The following C8B variants were observed in gnomAD, a reference collection of about 807,000 sequenced individuals.
C8B encodes complement C8 beta chain, also known as complement component C8 beta chain.
C8B carries 67 observed loss-of-function variants against 64.6 expected under a neutral mutation model. The ratio of observed to expected loss-of-function variants is 1.04; its 90% CI spans 0.85 to 1.27. The LOEUF (loss-of-function observed/expected upper bound fraction) is 1.27, where lower values mean the gene tolerates loss of function less well. Among genes scored for constraint, C8B ranks in the 50% most tolerant of loss-of-function variants. The probability of loss-of-function intolerance (pLI) is 0.00; values close to 1 mark genes in which losing one functional copy is unlikely to be tolerated. For synonymous variants in C8B, 284 were observed against 257.7 expected, an observed-to-expected ratio of 1.10 and a Z score of -0.98; for missense variants, 790 against 725.2, an observed-to-expected ratio of 1.09 and a Z score of -1.03.
chr1:56,935,385 T>G (rs1306720978), intron 9 of C8B, among the ~76,000 whole-genome samples: 2 of 152,144 alleles, frequency 1.3e-5, no homozygotes, highest in Non-Finnish European at 2.9e-5. Context: ...CCTCCTTAAC[T>G]TTTGTCCTCC....
At chr1:56,949,052 G>C (rs1417622141) in intron 6 of C8B, among the ~76,000 whole-genome samples, 1 of 151,332 alleles carries the variant, frequency 6.6e-6, no homozygotes, top group Non-Finnish European at 1.5e-5. Context: ...AAAGATAATT[G>C]GTTGTTAGAA....
At chr1:56,959,972 G>T in intron 2 of C8B, 48 bp downstream of exon 2, 1 of 1,610,456 alleles carries the variant, frequency 6.2e-7, no homozygotes, top group South Asian at 1.1e-5. Context: ...TCTTGCTGGG[G>T]ACAAAGGCTC....
At position 56,933,381 on chromosome 1, in the gene C8B, G is replaced by A; in HGVS notation, c.1506C>T (p.Ser502=). Residue 502 remains serine, a synonymous_variant, in exon 10 of 12, where the codon TCC becomes TCT. Transcript: ENST00000371237. ...TTCCTTGGCAGGGAGCACAGTGGCA[G>A]GAACTAACTTCCTTCTGGAACTCCT... The part of the protein sequence containing the change: ...ALEEFQKEVS[S]CHCAPCQGNG... The A allele has an allele frequency of 6.2e-7, 1 of 1,613,742 alleles. No homozygotes were observed. Among genetic ancestry groups the A allele is most frequent in the East Asian group, 2.2e-5 (1 of 44,860 alleles).
Position 56,933,424 on chromosome 1 carries a change from T to G in C8B, c.1463A>C (p.Asn488Thr). The G allele has an allele frequency of 6.2e-7, 1 of 1,613,756 alleles. No individual in the cohort carries two copies. The highest frequency in any genetic ancestry group is 8.5e-7 in the Non-Finnish European group (1 of 1,179,678). Residue 488 changes from asparagine to threonine, a missense_variant, in exon 10 of 12, where the codon AAC becomes ACC. By Grantham distance (65) the Asn-to-Thr change is moderately conservative. Coordinates refer to ENST00000371237, the MANE Select transcript of C8B (RefSeq NM_000066.4). ...DFAYSSTVRQ[N>T]MKQALEEFQK... ...GAACTCCTCCAGTGCCTGCTTCATG[T>G]TCTGCCTCACTGTGCTGGAATAGGC...
At chr1:56,945,616 G>T (rs917415008) in intron 7 of C8B, among the ~76,000 whole-genome samples, 1 of 152,192 alleles carries the variant, frequency 6.6e-6, no homozygotes, top group Non-Finnish European at 1.5e-5. Context: ...GGATACAATT[G>T]CATAGAGAGA....
chr1:56,931,605 C>G (rs1644701888), intron 11 of C8B: 1 of 540,594 alleles, frequency 1.8e-6, no homozygotes, highest in African/African-American at 1.9e-5. Flanking sequence ...ATGAAGCACT[C>G]TGTGTTGTAA....
intron 9 of C8B, 70 bp from the exon 10 acceptor site, chr1:56,933,558 C>T: frequency 7.5e-7 from 1 of 1,329,970 alleles, no homozygotes; most frequent in Non-Finnish European, 1.1e-6. Flanking sequence ...AACAAAACTA[C>T]AAAGGAATGG....
intron 9 of C8B, among the ~76,000 whole-genome samples, chr1:56,937,413 G>A (rs1644790659): frequency 6.6e-6 from 1 of 152,182 alleles, no homozygotes; most frequent in Non-Finnish European, 1.5e-5. Flanking sequence ...CTACTGAAAT[G>A]TGGAGGTTGT....
At chr1:56,965,398 A>AGTGTGTGTGT (rs56761445) in intron 1 of C8B, among the ~76,000 whole-genome samples, 1,552 of 142,638 alleles carry the variant, frequency 0.011, 19 homozygotes, top group African/African-American at 0.019. Flanking sequence ...AGAGAGAGAG[A>AGTGTGTGTGT]GTGTGTGTGT....
intron 6 of C8B, 63 bp from the exon 7 acceptor site, chr1:56,946,124 T>C: frequency 6.3e-7 from 1 of 1,593,874 alleles, no homozygotes; most frequent in Non-Finnish European, 8.6e-7. Context: ...AACGAGAAGA[T>C]GAACTTTACA....
At chr1:56,934,802 G>T (rs935512661) in intron 9 of C8B, among the ~76,000 whole-genome samples, 4 of 152,112 alleles carry the variant, frequency 2.6e-5, no homozygotes, top group Non-Finnish European at 5.9e-5. Context: ...GGGGGTGGGA[G>T]TTTGGAGAGA....
chr1:56,947,588 C>T (rs1644959701), intron 6 of C8B, among the ~76,000 whole-genome samples: 1 of 152,154 alleles, frequency 6.6e-6, no homozygotes, highest in Non-Finnish European at 1.5e-5. Flanking sequence ...ATTGTACTTG[C>T]TTGCATTTCC....
chr1:56,954,944 T>C, intron 3 of C8B, 117 bp from the exon 4 acceptor site: 2 of 1,163,900 alleles, frequency 1.7e-6, no homozygotes, highest in Non-Finnish European at 2.6e-6. Flanking sequence ...CTGCCCTGTT[T>C]TAATTAGTCA....
At position 56,933,347 on chromosome 1, in the gene C8B, G is replaced by C; in HGVS notation, c.1540C>G (p.Pro514Ala). 1.9e-6 allele frequency: 3 copies of C among 1,613,700 alleles called. No homozygotes were observed. The highest frequency in any genetic ancestry group is 2.5e-6 in the Non-Finnish European group (3 of 1,179,702). The change falls in exon 10 of 12, where the codon CCT (proline) becomes GCT (alanine). Residue 514 changes from proline (P) to alanine (A), a missense_variant. By Grantham distance (27) the Pro-to-Ala change is conservative. Coordinates refer to ENST00000371237, the MANE Select transcript of C8B (RefSeq NM_000066.4). Reference sequence around the variant, plus strand: ...CTGAAAGTGGTACCTTTCAGGACAGGGACTCCATTTCCTTGGCAGGGAGCA... The same window carrying C: ...CTGAAAGTGGTACCTTTCAGGACAGCGACTCCATTTCCTTGGCAGGGAGCA... ...HCAPCQGNGVPVLKGSRCDCI... is the reference protein window; with the variant it reads ...HCAPCQGNGVAVLKGSRCDCI...
intron 10 of C8B, among the ~76,000 whole-genome samples, chr1:56,932,580 T>C (rs907167026): frequency 6.6e-6 from 1 of 152,158 alleles, no homozygotes; most frequent in Admixed American, 6.5e-5. Context: ...AACCCTCACA[T>C]AGGGGTCCTT....
chr1:56,952,837 G>A (rs1645042288), intron 4 of C8B, among the ~76,000 whole-genome samples: 1 of 152,176 alleles, frequency 6.6e-6, no homozygotes, highest in Admixed American at 6.5e-5. Flanking sequence ...GGGATGTTGT[G>A]AGGATCACAT....
chr1:56,954,082 C>T (rs1645064599), intron 4 of C8B, among the ~76,000 whole-genome samples: 1 of 152,158 alleles, frequency 6.6e-6, no homozygotes, highest in Admixed American at 6.5e-5. Context: ...AGGTCTCCCT[C>T]TTCCACCTGC....
chr1:56,937,670 A>G (rs2101374127), intron 9 of C8B, among the ~76,000 whole-genome samples: 1 of 152,002 alleles, frequency 6.6e-6, no homozygotes, highest in South Asian at 2.1e-4. Flanking sequence ...TTAAAAAACA[A>G]ATAATTTTTT....
At position 56,946,015 on chromosome 1, in the gene C8B, T is replaced by C. The variant is rs1374819900; in HGVS notation, c.911A>G (p.Tyr304Cys). The change falls in exon 7 of 12, where the codon TAC (tyrosine) becomes TGC (cysteine). Residue 304 changes from tyrosine (Y) to cysteine (C), a missense_variant. By Grantham distance (194) the Tyr-to-Cys change is radical. Transcript: ENST00000371237. ...HARSDLEVAHYKLKPRSLMLH... is the reference protein window; with the variant it reads ...HARSDLEVAHCKLKPRSLMLH... ...CATGAGGCTTCTGGGTTTCAGCTTG[T>C]AATGTGCTACTTCAAGGTCAGAGCG... 7 of 1,614,002 alleles carry C rather than the reference T, an allele frequency of 4.3e-6. No individual in the cohort carries two copies. The highest frequency in any genetic ancestry group is 3.3e-5 in the Admixed American group (2 of 60,008).
Sources: allele counts gnomAD v4.1 joint callset (sites outside exome capture counted in the v4.1 genomes callset), GRCh38; gene constraint gnomAD v4.1.1; transcripts MANE v1.5; gene names NCBI Gene and HGNC (gene_info 2026-07-23, HGNC 2026-07-21).